Variants in PTPRD observed in about 807,000 individuals in gnomAD.
PTPRD encodes receptor-type tyrosine-protein phosphatase delta.
Under a neutral mutation model 214.5 loss-of-function variants are expected in PTPRD, and 34 were observed. The ratio of observed to expected loss-of-function variants is 0.16; its 90% CI spans 0.12 to 0.21. The LOEUF (loss-of-function observed/expected upper bound fraction) is 0.21, where lower values mean the gene tolerates loss of function less well. Among genes scored for constraint, PTPRD ranks in the 10% least tolerant of loss-of-function variants. The pLI is 1.00. For synonymous variants in PTPRD, 1,128 were observed against 845.7 expected, an observed-to-expected ratio of 1.33 and a Z score of -5.79; for missense variants, 2,545 against 2,398.7, an observed-to-expected ratio of 1.06 and a Z score of -1.27.
At chr9:8,686,754 T>C (rs941964063) in intron 12 of PTPRD, among the ~76,000 whole-genome samples, 1 of 152,148 alleles carries the variant, frequency 6.6e-6, no homozygotes, top group Non-Finnish European at 1.5e-5. Flanking sequence ...ATATTATCCA[T>C]GAGTCACTGA....
At chr9:10,445,895 T>C (rs2098795306) in intron 2 of PTPRD, among the ~76,000 whole-genome samples, 1 of 152,054 alleles carries the variant, frequency 6.6e-6, no homozygotes, top group Non-Finnish European at 1.5e-5. Flanking sequence ...AGAAAAGATA[T>C]GTTGAATAAG....
At chr9:10,325,864 T>A (rs774111977) in intron 3 of PTPRD, among the ~76,000 whole-genome samples, 6 of 151,830 alleles carry the variant, frequency 4.0e-5, no homozygotes, top group Non-Finnish European at 7.4e-5. Context: ...TGTAAAAGAA[T>A]AAGGATAATT....
At chr9:9,578,527 A>T (rs1052919019) in intron 7 of PTPRD, among the ~76,000 whole-genome samples, 3 of 152,092 alleles carry the variant, frequency 2.0e-5, no homozygotes, top group African/African-American at 7.2e-5. Flanking sequence ...GAAACCTAAA[A>T]ATTGGAAAAT....
At chr9:8,601,541 G>C (rs374821811) in intron 14 of PTPRD, among the ~76,000 whole-genome samples, 8 of 152,210 alleles carry the variant, frequency 5.3e-5, no homozygotes, top group African/African-American at 1.9e-4. Context: ...TCAGCACACA[G>C]AGACAGACTC....
chr9:10,478,919 T>C (rs1381616122), intron 2 of PTPRD, among the ~76,000 whole-genome samples: 7 of 152,024 alleles, frequency 4.6e-5, no homozygotes, highest in Non-Finnish European at 1.0e-4. Context: ...ACCTAAAATA[T>C]AAATCTATTT....
intron 8 of PTPRD, among the ~76,000 whole-genome samples, chr9:9,552,871 T>C (rs909889283): frequency 3.9e-5 from 6 of 152,104 alleles, no homozygotes; most frequent in African/African-American, 1.4e-4. Flanking sequence ...GCTTTCGTGT[T>C]GACAGCTGCT....
intron 5 of PTPRD, among the ~76,000 whole-genome samples, chr9:9,779,858 A>G (rs2098829036): frequency 6.6e-6 from 1 of 152,226 alleles, no homozygotes; most frequent in Non-Finnish European, 1.5e-5. Context: ...AGGTTTCTCA[A>G]AAAACTTAAA....
intron 11 of PTPRD, among the ~76,000 whole-genome samples, chr9:8,937,106 G>A (rs1250980631): frequency 6.6e-6 from 1 of 151,872 alleles, no homozygotes; most frequent in Non-Finnish European, 1.5e-5. Context: ...GCATCATAAT[G>A]TATTGACTAC....
At chr9:8,410,474 C>T (rs1045914133) in intron 35 of PTPRD, among the ~76,000 whole-genome samples, 4 of 130,664 alleles carry the variant, frequency 3.1e-5, no homozygotes, top group Non-Finnish European at 7.3e-5. Context: ...CTCTCTTTGT[C>T]CAATTAGTTA....
chr9:9,722,134 G>T (rs1181328536), intron 7 of PTPRD, among the ~76,000 whole-genome samples: 1 of 151,690 alleles, frequency 6.6e-6, no homozygotes, highest in Non-Finnish European at 1.5e-5. Context: ...ATACAATTCA[G>T]CAGTTTTTTT....
At chr9:10,069,594 G>C (rs1287061291) in intron 3 of PTPRD, among the ~76,000 whole-genome samples, 1 of 151,958 alleles carries the variant, frequency 6.6e-6, no homozygotes, top group Non-Finnish European at 1.5e-5. Context: ...CACAAGTCTG[G>C]TGTTTGATCA....
At chr9:9,478,027 G>C (rs1416944531) in intron 8 of PTPRD, among the ~76,000 whole-genome samples, 1 of 152,134 alleles carries the variant, frequency 6.6e-6, no homozygotes, top group African/African-American at 2.4e-5. Flanking sequence ...ATTTACATTT[G>C]TACTACACAT....
intron 3 of PTPRD, among the ~76,000 whole-genome samples, chr9:10,043,825 A>G (rs1002234888): frequency 6.6e-6 from 1 of 151,922 alleles, no homozygotes; most frequent in Non-Finnish European, 1.5e-5. Flanking sequence ...AGTCTATTTT[A>G]TCTTTAGTAA....
intron 5 of PTPRD, among the ~76,000 whole-genome samples, chr9:9,887,129 G>C (rs745491715): frequency 5.3e-5 from 8 of 152,074 alleles, no homozygotes; most frequent in Non-Finnish European, 1.0e-4. Flanking sequence ...CACATTGGTG[G>C]CAAGTCATTT....
intron 44 of PTPRD, among the ~76,000 whole-genome samples, chr9:8,321,630 A>G (rs1176378321): frequency 6.6e-6 from 1 of 150,912 alleles, no homozygotes; most frequent in Non-Finnish European, 1.5e-5. Context: ...ACATTTATGT[A>G]CCTATACATA....
intron 11 of PTPRD, among the ~76,000 whole-genome samples, chr9:8,740,470 C>A (rs7031558): frequency 0.071 from 10,871 of 152,176 alleles, 1,046 homozygotes; most frequent in African/African-American, 0.22. Context: ...GAAACACATT[C>A]TTAAATGTAT....
chr9:9,377,685 A>G (rs1183170959), intron 9 of PTPRD, among the ~76,000 whole-genome samples: 2 of 152,066 alleles, frequency 1.3e-5, no homozygotes, highest in Non-Finnish European at 1.5e-5. Context: ...ATTGACTACA[A>G]ACAGCTTAAC....
chr9:10,143,034 A>T (rs1272316442), intron 3 of PTPRD, among the ~76,000 whole-genome samples: 1 of 151,872 alleles, frequency 6.6e-6, no homozygotes, highest in Non-Finnish European at 1.5e-5. Context: ...ACAAAAAACC[A>T]AACACCGCAT....
chr9:10,353,685 A>C (rs993662466), intron 2 of PTPRD, among the ~76,000 whole-genome samples: 1 of 151,974 alleles, frequency 6.6e-6, no homozygotes, highest in Non-Finnish European at 1.5e-5. Context: ...TCCCTCACAA[A>C]ATGAGAGCAA....
Sources: allele counts gnomAD v4.1 joint callset (sites outside exome capture counted in the v4.1 genomes callset), GRCh38; gene constraint gnomAD v4.1.1; transcripts MANE v1.5; gene names NCBI Gene and HGNC (gene_info 2026-07-23, HGNC 2026-07-21).